The following OCA2 variants were observed in gnomAD, a reference collection of about 807,000 sequenced individuals.
The protein encoded by OCA2 is P protein.
OCA2 carries 77 observed loss-of-function variants against 100.2 expected under a neutral mutation model. The observed-to-expected ratio is 0.77, with a 90% CI of 0.64 to 0.93. The LOEUF is 0.93. Among genes scored for constraint, OCA2 ranks in the 40% least tolerant of loss-of-function variants. OCA2 has a pLI of 0.00. For synonymous variants in OCA2, 432 were observed against 439.2 expected (o/e 0.98, Z 0.21); for missense variants, 1,062 against 1,089.1 (o/e 0.98, Z 0.35).
intron 8 of OCA2, 123 bp downstream of exon 8, chr15:28,015,981 G>A (rs986542050): frequency 7.8e-6 from 6 of 765,558 alleles, no homozygotes; most frequent in African/African-American, 3.4e-5. Context: ...CATGAGTGCC[G>A]TGTCCAAGTC....
At chr15:28,038,103 T>C (rs1274720998) in intron 2 of OCA2, among the ~76,000 whole-genome samples, 1 of 152,172 alleles carries the variant, frequency 6.6e-6, no homozygotes, top group Non-Finnish European at 1.5e-5. Context: ...TCTCTCTCCC[T>C]CTCTCTGACA....
the OCA2 span, among the ~76,000 whole-genome samples, chr15:27,721,801 A>G: frequency 6.6e-6 from 1 of 152,224 alleles, no homozygotes; most frequent in Non-Finnish European, 1.5e-5. Context: ...GTTTAAAGCC[A>G]TAGAATCTTT....
intron 22 of OCA2, among the ~76,000 whole-genome samples, chr15:27,848,909 ACAT>A (rs2035633856): frequency 1.3e-5 from 2 of 152,012 alleles, no homozygotes; most frequent in African/African-American, 4.8e-5. Flanking sequence ...GAACACAGCC[ACAT>A]GCTGCCTGGA....
intron 12 of OCA2, among the ~76,000 whole-genome samples, chr15:27,986,340 C>T (rs2041350281): frequency 1.3e-5 from 2 of 152,138 alleles, no homozygotes; most frequent in Admixed American, 1.3e-4. Context: ...TAATACACAA[C>T]GATTCAACCT....
At chr15:27,734,820 A>G in the OCA2 span, among the ~76,000 whole-genome samples, 1 of 152,340 alleles carries the variant, frequency 6.6e-6, no homozygotes, top group South Asian at 2.1e-4. Context: ...ACCATGCCAG[A>G]CAACCAGCTC....
At chr15:27,933,779 G>A (rs542048212) in intron 18 of OCA2, among the ~76,000 whole-genome samples, 1 of 152,308 alleles carries the variant, frequency 6.6e-6, no homozygotes, top group Non-Finnish European at 1.5e-5. Flanking sequence ...GCGGAATGTT[G>A]TAAGGTTGGT....
chr15:27,864,995 T>G (rs560010561), intron 21 of OCA2, among the ~76,000 whole-genome samples: 1 of 150,530 alleles, frequency 6.6e-6, no homozygotes, highest in Non-Finnish European at 1.5e-5. Context: ...TATGGAAATA[T>G]TGGTTAAACG....
At chr15:28,013,166 G>A (rs2042288656) in intron 9 of OCA2, among the ~76,000 whole-genome samples, 1 of 152,124 alleles carries the variant, frequency 6.6e-6, no homozygotes. Flanking sequence ...TGAAGCACAG[G>A]TGCCCCAAAA....
intron 23 of OCA2, among the ~76,000 whole-genome samples, chr15:27,818,515 G>A (rs1445104691): frequency 6.6e-6 from 1 of 152,206 alleles, no homozygotes; most frequent in Non-Finnish European, 1.5e-5. Flanking sequence ...CAAAAGAGTT[G>A]TCATGCCATA....
intron 2 of OCA2, among the ~76,000 whole-genome samples, chr15:28,051,450 G>A (rs1029355091): frequency 1.3e-5 from 2 of 151,916 alleles, no homozygotes; most frequent in Admixed American, 6.6e-5. Flanking sequence ...GCGCTACCAC[G>A]TCCACCTAAT....
At chr15:27,804,057 G>A (rs953838489) in intron 23 of OCA2, among the ~76,000 whole-genome samples, 1 of 152,078 alleles carries the variant, frequency 6.6e-6, no homozygotes, top group African/African-American at 2.4e-5. Context: ...TACATTTTAA[G>A]TATTTGTAAT....
At chr15:27,870,820 GAAAGAAAGAA>G (rs1182387866) in intron 21 of OCA2, among the ~76,000 whole-genome samples, 4 of 149,860 alleles carry the variant, frequency 2.7e-5, no homozygotes, top group African/African-American at 1.0e-4. Flanking sequence ...AAGAGAGAGA[GAAAGAAAGAA>G]AGAGAAAGAA....
intron 22 of OCA2, among the ~76,000 whole-genome samples, chr15:27,847,293 A>T (rs935345054): frequency 1.6e-4 from 25 of 152,240 alleles, no homozygotes; most frequent in African/African-American, 6.0e-4. Context: ...GAGGGCGGGG[A>T]GCTGGTGCTA....
At chr15:27,777,008 C>T (rs1331120695) in intron 23 of OCA2, among the ~76,000 whole-genome samples, 1 of 150,236 alleles carries the variant, frequency 6.7e-6, no homozygotes, top group African/African-American at 2.5e-5. Context: ...GAGAGCACTT[C>T]CCCCCACACC....
At chr15:27,882,356 C>CT (rs965218845) in intron 19 of OCA2, among the ~76,000 whole-genome samples, 7 of 152,290 alleles carry the variant, frequency 4.6e-5, no homozygotes, top group African/African-American at 1.7e-4. Flanking sequence ...TCAAGCAACT[C>CT]TTTTTTATTT....
intron 2 of OCA2, among the ~76,000 whole-genome samples, chr15:28,033,439 G>T (rs2042964464): frequency 6.6e-6 from 1 of 152,204 alleles, no homozygotes; most frequent in Non-Finnish European, 1.5e-5. Context: ...GCATTCACCT[G>T]TGAGATAGAC....
intron 19 of OCA2, among the ~76,000 whole-genome samples, chr15:27,890,751 G>T (rs541255067): frequency 1.3e-5 from 2 of 152,252 alleles, no homozygotes; most frequent in South Asian, 4.1e-4. Context: ...AGACAGGCTG[G>T]GTGTGGTGGC....
At chr15:27,766,328 A>G in intron 23 of OCA2, among the ~76,000 whole-genome samples, 1 of 152,200 alleles carries the variant, frequency 6.6e-6, no homozygotes, top group East Asian at 1.9e-4. Flanking sequence ...CATGGCACTG[A>G]AGCATGCCCT....
chr15:27,745,368 T>C, the OCA2 span, among the ~76,000 whole-genome samples: 2 of 152,220 alleles, frequency 1.3e-5, no homozygotes, highest in African/African-American at 2.4e-5. Flanking sequence ...AATATTATTA[T>C]ACTTAAAGCA....
Sources: allele counts gnomAD v4.1 joint callset (sites outside exome capture counted in the v4.1 genomes callset), GRCh38; gene constraint gnomAD v4.1.1; transcripts MANE v1.5; gene names NCBI Gene and HGNC (gene_info 2026-07-23, HGNC 2026-07-21).